Variants in LRRC37A2 observed in about 807,000 individuals in gnomAD.
LRRC37A2 encodes the protein leucine rich repeat containing 37 member A2.
A neutral mutation model predicts 68.8 loss-of-function variants in LRRC37A2; 9 were observed. The observed-to-expected ratio is 0.13, with a 90% CI of 0.08 to 0.23. LRRC37A2 has a LOEUF of 0.23. Among genes scored for constraint, LRRC37A2 ranks in the 10% least tolerant of loss-of-function variants. LRRC37A2 has a pLI of 1.00. For synonymous variants in LRRC37A2, 63 were observed against 367.6 expected (o/e 0.17, Z 9.48); for missense variants, 168 against 950.4 (o/e 0.18, Z 10.82).
chr17:46,419,207 TG>T, the LRRC37A2 span, among the ~76,000 whole-genome samples: 2 of 101,244 alleles, frequency 2.0e-5, no homozygotes, highest in Non-Finnish European at 4.5e-5. Flanking sequence ...AGAGGCCATG[TG>T]GGGAGGATTG....
At chr17:46,516,302 C>CA (rs1159712527) in intron 2 of LRRC37A2, among the ~76,000 whole-genome samples, 1,703 of 63,116 alleles carry the variant, frequency 0.027, 557 homozygotes, top group Non-Finnish European at 0.049. Flanking sequence ...GACTCCATCT[C>CA]AAAAAAAAAA....
the LRRC37A2 span, chr17:46,768,295 G>C: frequency 2.5e-6 from 4 of 1,612,898 alleles, no homozygotes; most frequent in Non-Finnish European, 3.4e-6. This position sits in a 1 kb window ranked among gnomAD's most constrained non-coding sequence, Gnocchi z 5.0. Flanking sequence ...CCTCCCCCCT[G>C]CTTCCCGGAG....
the LRRC37A2 span, among the ~76,000 whole-genome samples, chr17:46,858,865 C>T: frequency 6.6e-6 from 1 of 151,792 alleles, no homozygotes; most frequent in Non-Finnish European, 1.5e-5. Flanking sequence ...TGGGGTTTTG[C>T]TATGTTGCTC....
the LRRC37A2 span, chr17:46,940,053 G>T: frequency 1.9e-6 from 2 of 1,073,696 alleles, no homozygotes; most frequent in East Asian, 7.0e-5. Flanking sequence ...TACCTGCTCT[G>T]TTAGTTTCTT....
chr17:46,680,238 A>G, the LRRC37A2 span, among the ~76,000 whole-genome samples: 2 of 151,558 alleles, frequency 1.3e-5, no homozygotes, highest in African/African-American at 4.9e-5. Context: ...AAGACTTACT[A>G]GAAAGCAATA....
the LRRC37A2 span, chr17:46,975,116 A>G: frequency 4.0e-5 from 6 of 151,020 alleles, no homozygotes; most frequent in South Asian, 2.1e-4. Context: ...TTGAGCGTCT[A>G]TTAAATGCCA....
At chr17:46,757,610 T>C in the LRRC37A2 span, 2 of 152,226 alleles carry the variant, frequency 1.3e-5, no homozygotes, top group African/African-American at 4.8e-5. Context: ...AAAAATCTCT[T>C]ATTTAGAAAG....
the LRRC37A2 span, chr17:47,021,561 G>C: frequency 2.1e-6 from 1 of 473,288 alleles, no homozygotes; most frequent in Non-Finnish European, 3.6e-6. Context: ...ACACATAAGT[G>C]CTTTTAGATA....
At chr17:46,759,771 C>CCCCT in the LRRC37A2 span, among the ~76,000 whole-genome samples, 1 of 152,150 alleles carries the variant, frequency 6.6e-6, no homozygotes, top group South Asian at 2.1e-4. Flanking sequence ...TGTACCTCAT[C>CCCCT]CCCTCATCCT....
At chr17:46,661,378 T>TTTA in the LRRC37A2 span, among the ~76,000 whole-genome samples, 3,440 of 105,672 alleles carry the variant, frequency 0.033, 96 homozygotes, top group African/African-American at 0.11. Flanking sequence ...TACATTTCTT[T>TTTA]TTATTATTAT....
chr17:46,725,438 A>G, the LRRC37A2 span, among the ~76,000 whole-genome samples: 1 of 152,318 alleles, frequency 6.6e-6, no homozygotes, highest in Non-Finnish European at 1.5e-5. Context: ...ACCTGATTAA[A>G]TATCTGGAGA....
the LRRC37A2 span, among the ~76,000 whole-genome samples, chr17:47,043,138 G>T: frequency 6.7e-6 from 1 of 150,318 alleles, no homozygotes; most frequent in African/African-American, 2.4e-5. Context: ...TCAACCTAAA[G>T]GCAGATTTTC....
chr17:47,003,423 A>C, the LRRC37A2 span, among the ~76,000 whole-genome samples: 1 of 152,170 alleles, frequency 6.6e-6, no homozygotes, highest in Non-Finnish European at 1.5e-5. Context: ...GACATCACAC[A>C]ACAGGGGGGC....
chr17:46,779,103 A>ACACACACACCCCCC, the LRRC37A2 span, among the ~76,000 whole-genome samples: 26 of 133,652 alleles, frequency 1.9e-4, no homozygotes, highest in Admixed American at 1.0e-3. Context: ...ACACACACAC[A>ACACACACACCCCCC]CCCCAGCCCA....
chr17:46,876,306 T>G, the LRRC37A2 span: 1 of 1,614,194 alleles, frequency 6.2e-7, no homozygotes, highest in Middle Eastern at 1.6e-4. Context: ...TCCTGTGCCG[T>G]GCGCACCTGC....
the LRRC37A2 span, among the ~76,000 whole-genome samples, chr17:46,732,919 G>A: frequency 1.3e-5 from 2 of 152,222 alleles, no homozygotes; most frequent in Admixed American, 1.3e-4. Context: ...TCTACATGCA[G>A]AGTCACACAA....
At chr17:46,684,782 A>C in the LRRC37A2 span, among the ~76,000 whole-genome samples, 15 of 129,748 alleles carry the variant, frequency 1.2e-4, 1 homozygote, top group Non-Finnish European at 2.4e-4. Flanking sequence ...CCTAAAAAAA[A>C]CCGTAGGCAA....
chr17:46,823,206 A>ATATATTATATATATTTATATATT, the LRRC37A2 span, among the ~76,000 whole-genome samples: 16 of 128,290 alleles, frequency 1.2e-4, no homozygotes, highest in African/African-American at 4.3e-4. Context: ...ATTTATATAT[A>ATATATTATATATATTTATATATT]ATATATTATA....
chr17:46,681,475 A>G, the LRRC37A2 span, among the ~76,000 whole-genome samples: 1 of 144,310 alleles, frequency 6.9e-6, no homozygotes, highest in African/African-American at 2.6e-5. Flanking sequence ...GGGCAACAGA[A>G]TGAGACCCTG....
Sources: gnomAD v4.1 joint callset for allele counts (sites outside exome capture counted in the v4.1 genomes callset) on GRCh38, gnomAD v4.1.1 for gene constraint, Gnocchi (gnomAD v3.1) non-coding constraint, MANE v1.5 for transcripts, NCBI Gene and HGNC (gene_info 2026-07-23, HGNC 2026-07-21) for gene names.